Variants in PRKAR1B observed in about 807,000 individuals in gnomAD.
PRKAR1B encodes the protein cAMP-dependent protein kinase type I-beta regulatory subunit.
PRKAR1B carries 22 observed loss-of-function variants against 46.5 expected under a neutral mutation model. The ratio of observed to expected loss-of-function variants is 0.47; its 90% CI spans 0.34 to 0.68. The LOEUF is 0.68. Ranked by LOEUF, PRKAR1B falls within the 30% of genes least tolerant of loss-of-function variation. The probability of loss-of-function intolerance (pLI) is 0.01; values close to 1 mark genes in which losing one functional copy is unlikely to be tolerated. For missense variants in PRKAR1B, 445 were observed against 535.6 expected (o/e 0.83, Z 1.67); for synonymous variants, 259 against 217.7 (o/e 1.19, Z -1.67).
chr7:716,508 G>A (rs1396113399), intron 1 of PRKAR1B: 2 of 152,198 alleles, frequency 1.3e-5, no homozygotes. Flanking sequence ...GGGGCTCCCA[G>A]GACTTCTCCT....
In PRKAR1B at chr7:554,794, G is replaced by A. The variant is rs28459656; in HGVS notation, c.892-3324C>T. Reference sequence around the variant, plus strand: ...GGGAGGCCACGGATCCCACAGAGCCGGAAGACAGGGGAGACCACGGATCCT... The same window carrying A: ...GGGAGGCCACGGATCCCACAGAGCCAGAAGACAGGGGAGACCACGGATCCT... On this transcript the variant is annotated intron_variant, in intron 9 of 10. Transcript: ENST00000537384. Among the ~76,000 whole-genome samples the A allele has an allele frequency of 4.5e-3, 621 of 138,588 alleles. 3 individuals carry two copies. The highest frequency in any genetic ancestry group is 5.3e-3 in the Non-Finnish European group (336 of 63,950). 90.9% of individuals were successfully genotyped at this position (138,588 alleles called of 152,430 possible).
intron 4 of PRKAR1B, among the ~76,000 whole-genome samples, chr7:610,783 C>T (rs1379220550): frequency 3.3e-5 from 5 of 152,228 alleles, no homozygotes; most frequent in African/African-American, 1.2e-4. Flanking sequence ...CTGTAAAAAA[C>T]AGTTTTCTCT....
intron 9 of PRKAR1B, among the ~76,000 whole-genome samples, chr7:574,620 T>C (rs1035673584): frequency 6.6e-6 from 1 of 152,128 alleles, no homozygotes; most frequent in African/African-American, 2.4e-5. Context: ...ATTTTTGTAT[T>C]TTTAGTAGAG....
chr7:608,519 T>A (rs577779031), intron 4 of PRKAR1B: 1 of 152,530 alleles, frequency 6.6e-6, no homozygotes, highest in East Asian at 1.9e-4. Flanking sequence ...AAGTGCTTCT[T>A]TTTTGAGTCC....
At chr7:716,064 T>C (rs1426405766) in intron 1 of PRKAR1B, among the ~76,000 whole-genome samples, 2 of 151,594 alleles carry the variant, frequency 1.3e-5, no homozygotes, top group Non-Finnish European at 2.9e-5. Context: ...TGTTGTTGTT[T>C]TGAGACAGGG....
At chr7:633,571 C>T (rs886424324) in intron 4 of PRKAR1B, among the ~76,000 whole-genome samples, 7 of 152,108 alleles carry the variant, frequency 4.6e-5, no homozygotes, top group Middle Eastern at 6.8e-3. Context: ...CAAGACCAGC[C>T]GGGGCAATAC....
intron 2 of PRKAR1B, among the ~76,000 whole-genome samples, chr7:699,563 C>T (rs2128521443): frequency 6.6e-6 from 1 of 151,754 alleles, no homozygotes; most frequent in Middle Eastern, 3.4e-3. Context: ...AGAGCTGGGA[C>T]TTGGGGTTGA....
intron 1 of PRKAR1B, among the ~76,000 whole-genome samples, chr7:724,098 TG>T (rs1781168029): frequency 6.6e-6 from 1 of 152,176 alleles, no homozygotes. Context: ...TCCTGAACTA[TG>T]GGGGTTAGGA....
chr7:615,922 A>G (rs891719010), intron 4 of PRKAR1B, among the ~76,000 whole-genome samples: 1 of 151,884 alleles, frequency 6.6e-6, no homozygotes, highest in African/African-American at 2.4e-5. Context: ...AAGAGAGAAA[A>G]AAAGGAAGAA....
intron 9 of PRKAR1B, among the ~76,000 whole-genome samples, chr7:573,238 G>A (rs1779624822): frequency 6.6e-6 from 1 of 152,226 alleles, no homozygotes; most frequent in South Asian, 2.1e-4. Flanking sequence ...ACATTTTACA[G>A]CGCTATGAAA....
rs920221637 is a variant in PRKAR1B, at chr7:597,550, C to T, written c.550-1246G>A. 2.2e-4 allele frequency among the ~76,000 whole-genome samples: 33 copies of T among 152,340 alleles called. 1 individual carries two copies. The highest frequency in any genetic ancestry group is 6.8e-3 in the Middle Eastern group (2 of 294). On this transcript the variant is annotated intron_variant, in intron 6 of 10. Coordinates refer to ENST00000537384, the MANE Select transcript of PRKAR1B (RefSeq NM_001164760.2). ...GTGATCCCCTCCAGGAATCAGAAGA[C>T]GGCCGTCCTTCCACGGAGCCAGAGA...
At chr7:629,488 G>A (rs1246302152) in intron 4 of PRKAR1B, among the ~76,000 whole-genome samples, 8 of 127,368 alleles carry the variant, frequency 6.3e-5, no homozygotes, top group Non-Finnish European at 1.6e-5. Flanking sequence ...AACGCTGCAG[G>A]AGCGGGGCCA....
chr7:578,734 T>G, intron 9 of PRKAR1B: 1 of 168,450 alleles, frequency 5.9e-6, no homozygotes, highest in South Asian at 1.3e-4. Context: ...CATGCTGGAG[T>G]GCAATGGTGT....
intron 1 of PRKAR1B, among the ~76,000 whole-genome samples, chr7:718,097 CA>C (rs1562363987): frequency 6.6e-6 from 1 of 152,004 alleles, no homozygotes; most frequent in African/African-American, 2.4e-5. Flanking sequence ...TGGAAACAAC[CA>C]AGTGCACTTG....
chr7:637,263 A>G (rs1400357640), intron 4 of PRKAR1B, among the ~76,000 whole-genome samples: 1 of 152,128 alleles, frequency 6.6e-6, no homozygotes. Context: ...AACTAAAAAT[A>G]CAAAAATTAG....
At chr7:558,666 T>C (rs1356792405) in intron 9 of PRKAR1B, among the ~76,000 whole-genome samples, 2 of 151,370 alleles carry the variant, frequency 1.3e-5, no homozygotes, top group African/African-American at 4.9e-5. Context: ...GGCAGGAGGA[T>C]TGAATGAACC....
intron 4 of PRKAR1B, among the ~76,000 whole-genome samples, chr7:649,201 C>G (rs770244259): frequency 2.0e-5 from 3 of 152,190 alleles, no homozygotes; most frequent in African/African-American, 7.2e-5. Context: ...AAGCTTTTAA[C>G]ATTTAGAATG....
intron 4 of PRKAR1B, among the ~76,000 whole-genome samples, chr7:665,496 C>G (rs1365737906): frequency 2.0e-5 from 3 of 152,232 alleles, no homozygotes; most frequent in Non-Finnish European, 4.4e-5. Flanking sequence ...AGGCTTCAGC[C>G]TCCGTTGAAT....
intron 4 of PRKAR1B, among the ~76,000 whole-genome samples, chr7:673,045 TAAA>T (rs992683667): frequency 5.3e-4 from 14 of 26,548 alleles, no homozygotes; most frequent in South Asian, 3.6e-3. Context: ...GCCTTGTCTT[TAAA>T]AAAAAAAAAA....
Sources: allele counts gnomAD v4.1 joint callset (sites outside exome capture counted in the v4.1 genomes callset), GRCh38; gene constraint gnomAD v4.1.1; transcripts MANE v1.5; gene names NCBI Gene and HGNC (gene_info 2026-07-23, HGNC 2026-07-21).